TAS2R1: variants seen among roughly 807,000 people sequenced by gnomAD.
TAS2R1 encodes taste receptor type 2 member 1.
For synonymous variants in TAS2R1, 141 were observed against 134.2 expected, an observed-to-expected ratio of 1.05 and a Z score of -0.35; for missense variants, 370 against 353.4, an observed-to-expected ratio of 1.05 and a Z score of -0.38.
intron 1 of TAS2R1, among the ~76,000 whole-genome samples, chr5:9,705,828 C>T (rs995217881): frequency 6.6e-6 from 1 of 152,034 alleles, no homozygotes; most frequent in Non-Finnish European, 1.5e-5. Flanking sequence ...TGCCATTGCA[C>T]TCCAGCCTGG....
chr5:9,767,923 C>A, the TAS2R1 span, among the ~76,000 whole-genome samples: 592 of 96,108 alleles, frequency 6.2e-3, no homozygotes, highest in South Asian at 6.8e-3. Flanking sequence ...GACTCCGTCT[C>A]AAAAAAAAAA....
chr5:9,811,232 T>C, the TAS2R1 span, among the ~76,000 whole-genome samples: 2 of 152,184 alleles, frequency 1.3e-5, no homozygotes. Context: ...GAACTGGTCC[T>C]CACCAGACAC....
At chr5:9,718,529 T>G in the TAS2R1 span, among the ~76,000 whole-genome samples, 1 of 150,902 alleles carries the variant, frequency 6.6e-6, no homozygotes, top group East Asian at 2.0e-4. Context: ...GGCTCACACC[T>G]GTAATCCCAA....
chr5:9,800,070 T>C, the TAS2R1 span, among the ~76,000 whole-genome samples: 1 of 152,220 alleles, frequency 6.6e-6, no homozygotes, highest in African/African-American at 2.4e-5. Context: ...GGCCTATTTC[T>C]TTCCTCTTTT....
intron 1 of TAS2R1, among the ~76,000 whole-genome samples, chr5:9,688,774 C>T (rs746170624): frequency 1.6e-4 from 24 of 152,128 alleles, no homozygotes; most frequent in Non-Finnish European, 3.4e-4. Context: ...CTTTATCTCG[C>T]ACCCTCTCTA....
intron 2 of TAS2R1, among the ~76,000 whole-genome samples, chr5:9,643,443 A>G (rs1463809058): frequency 6.6e-6 from 1 of 152,212 alleles, no homozygotes; most frequent in Non-Finnish European, 1.5e-5. Context: ...ATATGTGTGT[A>G]GGGCAATTAC....
At chr5:9,764,312 C>T in the TAS2R1 span, among the ~76,000 whole-genome samples, 1 of 152,208 alleles carries the variant, frequency 6.6e-6, no homozygotes, top group Admixed American at 6.5e-5. Context: ...ACATCTGTAA[C>T]ACTCAGTTCT....
chr5:9,740,887 G>T, the TAS2R1 span, among the ~76,000 whole-genome samples: 2 of 152,194 alleles, frequency 1.3e-5, no homozygotes, highest in South Asian at 4.1e-4. Flanking sequence ...AAGTTATTTA[G>T]ATAAGCACCA....
chr5:9,755,460 G>A, the TAS2R1 span, among the ~76,000 whole-genome samples: 29,275 of 151,634 alleles, frequency 0.19, 3,331 homozygotes, highest in Middle Eastern at 0.33. Flanking sequence ...GGTAGCGTGC[G>A]CCTGTAATCC....
chr5:9,865,111 T>G, the TAS2R1 span, among the ~76,000 whole-genome samples: 2 of 152,290 alleles, frequency 1.3e-5, no homozygotes, highest in East Asian at 1.9e-4. Flanking sequence ...TCACTCTGGC[T>G]GCTGAGTGGA....
chr5:9,854,318 A>G, the TAS2R1 span: 1 of 151,716 alleles, frequency 6.6e-6, no homozygotes, highest in African/African-American at 2.4e-5. Context: ...CACCTGCTCC[A>G]TTGTGACTTC....
chr5:9,672,367 T>C (rs1740784263), intron 1 of TAS2R1, among the ~76,000 whole-genome samples: 1 of 151,898 alleles, frequency 6.6e-6, no homozygotes, highest in Admixed American at 6.6e-5. Flanking sequence ...CAGGAGAAAA[T>C]ATTTGCAACC....
the TAS2R1 span, among the ~76,000 whole-genome samples, chr5:9,740,564 T>A: frequency 6.6e-6 from 1 of 152,208 alleles, no homozygotes; most frequent in Non-Finnish European, 1.5e-5. Flanking sequence ...AGCTGTGGAA[T>A]TTTTTAGTGC....
the TAS2R1 span, among the ~76,000 whole-genome samples, chr5:9,737,964 T>C: frequency 6.6e-6 from 1 of 152,102 alleles, no homozygotes; most frequent in Non-Finnish European, 1.5e-5. Flanking sequence ...AGAGGGAGGG[T>C]GCATTTTGAG....
the TAS2R1 span, among the ~76,000 whole-genome samples, chr5:9,777,043 C>A: frequency 6.6e-6 from 1 of 152,178 alleles, no homozygotes; most frequent in South Asian, 2.1e-4. Flanking sequence ...AAGTTGTAAT[C>A]TTTTTGCTGG....
intron 1 of TAS2R1, among the ~76,000 whole-genome samples, chr5:9,708,292 A>G (rs1232339383): frequency 6.6e-6 from 1 of 152,210 alleles, no homozygotes; most frequent in Non-Finnish European, 1.5e-5. Context: ...TTGGTTCTCA[A>G]GTAAGAATCC....
the TAS2R1 span, among the ~76,000 whole-genome samples, chr5:9,752,798 G>A: frequency 4.0e-5 from 6 of 151,682 alleles, no homozygotes; most frequent in Admixed American, 6.6e-5. Flanking sequence ...AACATGCGGT[G>A]TTTAGTTTTT....
chr5:9,898,389 T>C, the TAS2R1 span, among the ~76,000 whole-genome samples: 1 of 152,168 alleles, frequency 6.6e-6, no homozygotes, highest in Non-Finnish European at 1.5e-5. Context: ...GAGGAAATTC[T>C]TTAAGAGAGA....
the TAS2R1 span, among the ~76,000 whole-genome samples, chr5:9,747,063 C>T: frequency 6.6e-6 from 1 of 152,070 alleles, no homozygotes; most frequent in Non-Finnish European, 1.5e-5. Context: ...AAGTTCATGA[C>T]TAGATAGAAT....
Sources: gnomAD v4.1 joint callset for allele counts (sites outside exome capture counted in the v4.1 genomes callset) on GRCh38, gnomAD v4.1.1 for gene constraint, MANE v1.5 for transcripts, NCBI Gene and HGNC (gene_info 2026-07-23, HGNC 2026-07-21) for gene names.